The following PRDM5 variants were observed in gnomAD, a reference collection of about 807,000 sequenced individuals.
PRDM5 encodes PR domain zinc finger protein 5.
PRDM5 carries 56 observed loss-of-function variants against 81.2 expected under a neutral mutation model. That is an observed-to-expected ratio of 0.69 (90% CI 0.56 to 0.86). The LOEUF (loss-of-function observed/expected upper bound fraction) is 0.86. PRDM5 is among the 40% of genes least tolerant of loss of function. The pLI is 0.00. For missense variants in PRDM5, 697 were observed against 770.1 expected (o/e 0.91, Z 1.12); for synonymous variants, 267 against 256.4 (o/e 1.04, Z -0.39).
intron 15 of PRDM5, 91 bp from the exon 16 acceptor site, chr4:120,695,366 T>C: frequency 1.4e-6 from 2 of 1,403,630 alleles, no homozygotes; most frequent in Admixed American, 1.8e-5. Context: ...CAAAGAAAAT[T>C]AATAAGTTAC....
chr4:120,700,056 C>T (rs1306824796), intron 15 of PRDM5, among the ~76,000 whole-genome samples: 3 of 152,106 alleles, frequency 2.0e-5, no homozygotes, highest in African/African-American at 4.8e-5. Flanking sequence ...TACTATAAGG[C>T]TACAGTAACC....
intron 2 of PRDM5, among the ~76,000 whole-genome samples, chr4:120,892,798 C>G (rs1302424068): frequency 6.6e-6 from 1 of 152,238 alleles, no homozygotes; most frequent in Non-Finnish European, 1.5e-5. Flanking sequence ...CACTGACTAG[C>G]TGGCAGCTCT....
chr4:120,834,422 G>A (rs752022382), intron 3 of PRDM5, among the ~76,000 whole-genome samples: 2 of 152,110 alleles, frequency 1.3e-5, no homozygotes, highest in Non-Finnish European at 2.9e-5. Context: ...GAAGACAGCT[G>A]CCTATGAAAC....
In PRDM5 at chr4:120,777,297, TA is replaced by T; in HGVS notation, c.1444-17del. The T allele has an allele frequency of 6.2e-7, 1 of 1,612,986 alleles. No homozygotes were observed. Among genetic ancestry groups the T allele is most frequent in the Non-Finnish European group, 8.5e-7 (1 of 1,179,250 alleles). On this transcript the variant is annotated splice_polypyrimidine_tract_variant and intron_variant, in intron 12 of 15. Transcript: ENST00000264808. ...CTGTATGTGTCTAAAAGGAAAGGGA[TA>T]AAAAGGCTAAGGATAAATACAAAGA...
chr4:120,747,453 T>A (rs928143749), intron 14 of PRDM5, among the ~76,000 whole-genome samples: 3 of 152,024 alleles, frequency 2.0e-5, no homozygotes. Context: ...AATAAAAAAT[T>A]AAAAAATAAA....
chr4:120,892,824 A>C (rs1314800700), intron 2 of PRDM5, among the ~76,000 whole-genome samples: 1 of 152,136 alleles, frequency 6.6e-6, no homozygotes, highest in African/African-American at 2.4e-5. Flanking sequence ...GTATTGCCTG[A>C]CTGGCTACTA....
At chr4:120,860,120 G>A (rs1437258695) in intron 2 of PRDM5, among the ~76,000 whole-genome samples, 1 of 152,238 alleles carries the variant, frequency 6.6e-6, no homozygotes. Flanking sequence ...AAGACACAAA[G>A]ACAAGTATAA....
chr4:120,744,042 T>C (rs1742566289), intron 14 of PRDM5, among the ~76,000 whole-genome samples: 1 of 152,006 alleles, frequency 6.6e-6, no homozygotes, highest in African/African-American at 2.4e-5. Flanking sequence ...AAAGCTCTCC[T>C]CAGCAAATGT....
chr4:120,784,662 TC>T (rs1233847810), intron 11 of PRDM5, among the ~76,000 whole-genome samples: 1 of 152,080 alleles, frequency 6.6e-6, no homozygotes, highest in Non-Finnish European at 1.5e-5. Context: ...GTTTTCTTAA[TC>T]ATTATATTTG....
intron 2 of PRDM5, among the ~76,000 whole-genome samples, chr4:120,857,535 C>T (rs1372222696): frequency 1.3e-5 from 2 of 152,180 alleles, no homozygotes; most frequent in Non-Finnish European, 2.9e-5. Context: ...ACTGACGTCA[C>T]TTTTCAAGTA....
intron 8 of PRDM5, among the ~76,000 whole-genome samples, chr4:120,806,099 T>C (rs1214657777): frequency 1.4e-4 from 21 of 152,112 alleles, no homozygotes; most frequent in Non-Finnish European, 3.1e-4. Context: ...CCATTCACAA[T>C]TGCTTCAAAG....
chr4:120,816,465 T>A lies in PRDM5; in HGVS notation c.853A>T (p.Asn285Tyr). 1 of 1,614,186 alleles carries A rather than the reference T, an allele frequency of 6.2e-7. No individual in the cohort carries two copies. Among genetic ancestry groups the A allele is most frequent in the Non-Finnish European group, 8.5e-7 (1 of 1,180,026 alleles). Residue 285 changes from asparagine (N) to tyrosine (Y), a missense_variant, in exon 7 of 16, where the codon AAT becomes TAT. Physicochemically the swap from Asn to Tyr is moderately radical, Grantham distance 143. Around this residue, in one of 3 missense-constraint regions of PRDM5, gnomAD observed 577 missense variants for 606.7 expected, o/e 0.95. Coordinates refer to ENST00000264808, the MANE Select transcript of PRDM5 (RefSeq NM_018699.4). ...SKDALKRHQE[N>Y]VHTGDPKKKL... is the part of the protein sequence containing the mutation. Reference sequence around the variant, plus strand: ...AACGACTCCTCACCAGTGTGGACATTTTCCTGGTGTCTTTTCAGGGCATCC... The same window carrying A: ...AACGACTCCTCACCAGTGTGGACATATTCCTGGTGTCTTTTCAGGGCATCC...
At chr4:120,752,230 T>C (rs1744107883) in intron 14 of PRDM5, among the ~76,000 whole-genome samples, 1 of 152,196 alleles carries the variant, frequency 6.6e-6, no homozygotes, top group Admixed American at 6.5e-5. Flanking sequence ...GCAAAGATTA[T>C]CTGTATTTAT....
rs985631426 is a variant in PRDM5, at chr4:120,811,449, C to T, written c.866G>A (p.Gly289Glu). 1.9e-6 allele frequency: 3 copies of T among 1,562,394 alleles called. No homozygotes were observed. Among genetic ancestry groups the T allele is most frequent in the Non-Finnish European group, 2.6e-6 (3 of 1,136,692 alleles). ...ACATATAAGCTTTTTCTTAGGATCT[C>T]CTAAAATAGAAATAAAATACCATGA... ...LKRHQENVHT[G>E]DPKKKLICSV... Residue 289 changes from glycine to glutamate, a missense_variant and splice_region_variant, in exon 8 of 16, where the codon GGA becomes GAA. Around this residue, in one of 3 missense-constraint regions of PRDM5, gnomAD observed 577 missense variants for 606.7 expected, o/e 0.95. Transcript: ENST00000264808.
At position 120,754,624 on chromosome 4, in the gene PRDM5, GATAGGGACGCTCACCTACAA is replaced by G; in HGVS notation, c.1538-6_1551del. The G allele has an allele frequency of 6.3e-7, 1 of 1,598,680 alleles. No homozygotes were observed. The stretch of plus-strand genomic sequence containing the variant: ...AATCCTTTTTCACAGTAAGGACATT[GATAGGGACGCTCACCTACAA>G]ATAAAGGAAGCCTCCATGTCAGAAA... On this transcript the variant is annotated splice_acceptor_variant and splice_polypyrimidine_tract_variant and coding_sequence_variant and intron_variant, in exon 14 of 16. Coordinates refer to ENST00000264808, the MANE Select transcript of PRDM5 (RefSeq NM_018699.4). LOFTEE classifies it high-confidence loss of function.
At chr4:120,866,664 G>A (rs116544992) in intron 2 of PRDM5, among the ~76,000 whole-genome samples, 3,413 of 152,260 alleles carry the variant, frequency 0.022, 123 homozygotes, top group African/African-American at 0.077. Context: ...CTGGAGCTAG[G>A]GATTGAACCA....
At chr4:120,787,798 A>C (rs1368881821) in intron 10 of PRDM5, among the ~76,000 whole-genome samples, 1 of 152,210 alleles carries the variant, frequency 6.6e-6, no homozygotes, top group Non-Finnish European at 1.5e-5. Flanking sequence ...GGGCAAGTTC[A>C]AATAAATATT....
intron 13 of PRDM5, 118 bp downstream of exon 13, chr4:120,777,070 A>C: frequency 6.4e-7 from 1 of 1,561,376 alleles, no homozygotes; most frequent in Non-Finnish European, 8.7e-7. Flanking sequence ...AGAGAGAGAA[A>C]ACAGCCAAGA....
At chr4:120,818,251 C>A in intron 5 of PRDM5, 102 bp downstream of exon 5, 2 of 1,240,064 alleles carry the variant, frequency 1.6e-6, no homozygotes, top group Non-Finnish European at 2.3e-6. Context: ...TGCGCGTGCG[C>A]GCGTGCACAC....
Sources: gnomAD v4.1 joint callset for allele counts (sites outside exome capture counted in the v4.1 genomes callset) on GRCh38, gnomAD v4.1.1 for gene constraint, gnomAD v4.1.1 regional missense constraint, MANE v1.5 for transcripts, NCBI Gene and HGNC (gene_info 2026-07-23, HGNC 2026-07-21) for gene names.